The following BMPR2 variants were observed in gnomAD, a reference collection of about 807,000 sequenced individuals.
BMPR2 encodes bone morphogenetic protein receptor type-2.
A neutral mutation model predicts 100.8 loss-of-function variants in BMPR2; 29 were observed. The observed-to-expected ratio is 0.29, with a 90% confidence interval of 0.21 to 0.39. BMPR2 has a LOEUF of 0.39. Among genes scored for constraint, BMPR2 ranks in the 10% least tolerant of loss-of-function variants. The pLI is 1.00. For missense variants in BMPR2, 1,011 were observed against 1,274.5 expected (o/e 0.79, Z 3.15); for synonymous variants, 382 against 442.3 (o/e 0.86, Z 1.71).
intron 10 of BMPR2, among the ~76,000 whole-genome samples, chr2:202,543,504 T>G (rs1388811161): frequency 2.0e-5 from 3 of 151,696 alleles, no homozygotes; most frequent in African/African-American, 7.3e-5. Context: ...TTGGTCAGTA[T>G]TCTATTGATA....
chr2:202,405,474 G>C (rs571663825), intron 1 of BMPR2, among the ~76,000 whole-genome samples: 22 of 152,102 alleles, frequency 1.4e-4, no homozygotes, highest in African/African-American at 5.3e-4. Flanking sequence ...GGATCACGAG[G>C]TCAGGAGATC....
intron 3 of BMPR2, among the ~76,000 whole-genome samples, chr2:202,496,568 CG>C (rs1693032833): frequency 6.6e-6 from 1 of 152,116 alleles, no homozygotes; most frequent in South Asian, 2.1e-4. Flanking sequence ...TGTTTTGACC[CG>C]CATTAATGCT....
At chr2:202,403,396 C>G (rs1399101607) in intron 1 of BMPR2, among the ~76,000 whole-genome samples, 2 of 152,056 alleles carry the variant, frequency 1.3e-5, no homozygotes, top group Non-Finnish European at 2.9e-5. Flanking sequence ...GATGGGGTTT[C>G]ACCATGTTGG....
chr2:202,529,667 A>C (rs1687981752), intron 7 of BMPR2, among the ~76,000 whole-genome samples: 1 of 152,140 alleles, frequency 6.6e-6, no homozygotes, highest in African/African-American at 2.4e-5. Context: ...TAGGTGAAGA[A>C]ATTGGTAACT....
chr2:202,435,376 C>CATATATATATATATATATATATATAT (rs141854934), intron 1 of BMPR2, among the ~76,000 whole-genome samples: 9 of 103,420 alleles, frequency 8.7e-5, no homozygotes, highest in African/African-American at 2.5e-4. Context: ...AAAAAAAATA[C>CATATATATATATATATATATATATAT]ATATATATAT....
intron 1 of BMPR2, among the ~76,000 whole-genome samples, chr2:202,391,969 C>G (rs1286783986): frequency 1.3e-5 from 2 of 151,960 alleles, no homozygotes; most frequent in African/African-American, 4.8e-5. Context: ...ACCATATTGC[C>G]CGGGATGGTC....
intron 2 of BMPR2, 94 bp from the exon 3 acceptor site, chr2:202,467,425 C>T: frequency 1.8e-6 from 2 of 1,101,760 alleles, no homozygotes; most frequent in South Asian, 2.6e-5. Context: ...TACACGTACT[C>T]TCACATTTAT....
intron 1 of BMPR2, among the ~76,000 whole-genome samples, chr2:202,421,135 C>T (rs1311471289): frequency 6.6e-6 from 1 of 151,720 alleles, no homozygotes; most frequent in Admixed American, 6.6e-5. Flanking sequence ...ACTATAATCC[C>T]AGGTACCCGG....
chr2:202,506,978 CAGG>C (rs1242618433), intron 3 of BMPR2, among the ~76,000 whole-genome samples: 1 of 150,420 alleles, frequency 6.6e-6, no homozygotes, highest in Non-Finnish European at 1.5e-5. Flanking sequence ...GAGGCTGAGG[CAGG>C]AGAATTGCTA....
intron 7 of BMPR2, among the ~76,000 whole-genome samples, chr2:202,525,079 C>T (rs1687883870): frequency 6.6e-6 from 1 of 152,102 alleles, no homozygotes; most frequent in Non-Finnish European, 1.5e-5. Context: ...AACCTCTTAG[C>T]TAGGCTATAT....
intron 3 of BMPR2, among the ~76,000 whole-genome samples, chr2:202,510,110 CA>C (rs1179361454): frequency 6.6e-6 from 1 of 152,064 alleles, no homozygotes; most frequent in African/African-American, 2.4e-5. Flanking sequence ...TTTATTGTAA[CA>C]AATATTTAAA....
chr2:202,495,405 G>C lies in BMPR2; in HGVS notation c.419-18314G>C, dbSNP rs13005457. On this transcript the variant is annotated intron_variant, in intron 3 of 12. Transcript: ENST00000374580. The surrounding 1 kb of genome is among the most constrained non-coding windows in gnomAD (Gnocchi z 4.5). ...GTCGTTCTGTCGACGGCCTGCCGGC[G>C]TGCGGGTGCCTATCGTTGTGCTCTT... 6.6e-6 allele frequency among the ~76,000 whole-genome samples: 1 copy of C among 152,108 alleles called. No individual in the cohort carries two copies. The highest frequency in any genetic ancestry group is 2.4e-5 in the African/African-American group (1 of 41,416).
chr2:202,476,300 T>A (rs772719480), intron 3 of BMPR2, among the ~76,000 whole-genome samples: 93 of 152,144 alleles, frequency 6.1e-4, no homozygotes, highest in Non-Finnish European at 7.9e-4. Context: ...TCTCATTTCC[T>A]TATAATGTGC....
chr2:202,504,152 G>A (rs1448994739), intron 3 of BMPR2, among the ~76,000 whole-genome samples: 3 of 152,174 alleles, frequency 2.0e-5, no homozygotes, highest in Non-Finnish European at 2.9e-5. Flanking sequence ...TCAGCAGGAC[G>A]TGGGTGGGGC....
chr2:202,504,969 A>C (rs761239030), intron 3 of BMPR2: 2 of 155,156 alleles, frequency 1.3e-5, no homozygotes, highest in African/African-American at 4.8e-5. Context: ...GTGAGCCACC[A>C]TGCCTGACCC....
intron 1 of BMPR2, among the ~76,000 whole-genome samples, chr2:202,427,614 A>AT (rs375499170): frequency 6.6e-6 from 1 of 151,792 alleles, no homozygotes; most frequent in African/African-American, 2.4e-5. Flanking sequence ...CTTCATTTAC[A>AT]TTTTTTTCCA....
rs527253261 is a variant in BMPR2, at chr2:202,495,669, A to G, written c.419-18050A>G. Among the ~76,000 whole-genome samples, 2 of 151,928 alleles carry G rather than the reference A, an allele frequency of 1.3e-5. No individual in the cohort carries two copies. Among genetic ancestry groups the G allele is most frequent in the South Asian group, 2.1e-4 (1 of 4,806 alleles). On this transcript the variant is annotated intron_variant, in intron 3 of 12. Transcript: ENST00000374580. The surrounding 1 kb of genome is among the most constrained non-coding windows in gnomAD (Gnocchi z 4.5). ...GTCAGGGACGCACCTTTCTCTACCC[A>G]TTACTTACCTCCCCACTTCCGTGTC...
intron 1 of BMPR2, among the ~76,000 whole-genome samples, chr2:202,429,481 TCTG>T (rs1385495041): frequency 6.6e-6 from 1 of 152,224 alleles, no homozygotes; most frequent in East Asian, 1.9e-4. Context: ...TCTCTCCTGG[TCTG>T]CTTTTTGAAT....
intron 1 of BMPR2, among the ~76,000 whole-genome samples, chr2:202,456,900 A>G (rs1692120004): frequency 6.6e-6 from 1 of 152,200 alleles, no homozygotes; most frequent in South Asian, 2.1e-4. Flanking sequence ...ACTATACAGT[A>G]TACATGGCTT....
Sources: allele counts gnomAD v4.1 joint callset (sites outside exome capture counted in the v4.1 genomes callset), GRCh38; gene constraint gnomAD v4.1.1; non-coding constraint Gnocchi (gnomAD v3.1); transcripts MANE v1.5; gene names NCBI Gene and HGNC (gene_info 2026-07-23, HGNC 2026-07-21).